Variants in ST3GAL3 observed in about 807,000 individuals in gnomAD.
ST3GAL3 encodes the protein CMP-N-acetylneuraminate-beta-1,4-galactoside alpha-2,3-sialyltransferase.
In ST3GAL3, 21 loss-of-function variants were observed where a neutral mutation model predicts 50.1. That is an observed-to-expected ratio of 0.42 (90% CI 0.30 to 0.60). The LOEUF (loss-of-function observed/expected upper bound fraction) is 0.60. Ranked by LOEUF, ST3GAL3 falls within the 20% of genes least tolerant of loss-of-function variation. ST3GAL3 has a pLI of 0.19. For synonymous variants in ST3GAL3, 183 were observed against 190.0 expected, an observed-to-expected ratio of 0.96 and a Z score of 0.30; for missense variants, 353 against 489.4, an observed-to-expected ratio of 0.72 and a Z score of 2.63.
intron 5 of ST3GAL3, among the ~76,000 whole-genome samples, chr1:43,887,925 C>T (rs937512348): frequency 6.6e-6 from 1 of 152,004 alleles, no homozygotes; most frequent in African/African-American, 2.4e-5. Flanking sequence ...CTCCCCATCA[C>T]CATGAAAGCA....
chr1:43,831,843 T>G (rs1573857026), intron 4 of ST3GAL3: 1 of 152,210 alleles, frequency 6.6e-6, no homozygotes, highest in South Asian at 2.1e-4. Context: ...CATTTTATAG[T>G]GTAAACAGAA....
chr1:43,805,798 C>T (rs1211354586), intron 3 of ST3GAL3, among the ~76,000 whole-genome samples: 10 of 152,062 alleles, frequency 6.6e-5, no homozygotes, highest in African/African-American at 9.7e-5. Flanking sequence ...TGCAGTGGTG[C>T]GATCTCGGCT....
intron 4 of ST3GAL3, among the ~76,000 whole-genome samples, chr1:43,835,703 A>G (rs144869821): frequency 7.8e-4 from 119 of 152,226 alleles, no homozygotes; most frequent in African/African-American, 2.6e-3. Flanking sequence ...TCTGTTGTTC[A>G]TTTATTTCTG....
In ST3GAL3 at chr1:43,736,248, G is replaced by A. The variant is rs776919689; in HGVS notation, c.-15G>A. ...TCTTTTCTAGGTCATTTAGGAAATC[G>A]TAAATCATGTGAAGATGGGACTCTT... On this transcript the variant is annotated 5_prime_UTR_variant, in exon 2 of 12. Transcript: ENST00000347631. 24 of 1,613,958 alleles carry A rather than the reference G, an allele frequency of 1.5e-5. No individual in the cohort carries two copies. The highest frequency in any genetic ancestry group is 3.3e-5 in the Admixed American group (2 of 59,990).
intron 5 of ST3GAL3, among the ~76,000 whole-genome samples, chr1:43,888,876 C>T (rs969403103): frequency 6.6e-6 from 1 of 152,076 alleles, no homozygotes; most frequent in Admixed American, 6.5e-5. Flanking sequence ...CAGTATAGAG[C>T]AAAATCAGAG....
chr1:43,894,934 G>A (rs1244188157), intron 6 of ST3GAL3, among the ~76,000 whole-genome samples: 2 of 152,064 alleles, frequency 1.3e-5, no homozygotes, highest in African/African-American at 4.8e-5. Context: ...TTCTTTAATG[G>A]AATATTTACA....
At chr1:43,791,693 A>G (rs1284589435) in intron 2 of ST3GAL3, among the ~76,000 whole-genome samples, 1 of 152,252 alleles carries the variant, frequency 6.6e-6, no homozygotes, top group African/African-American at 2.4e-5. Flanking sequence ...AACAATGAAC[A>G]ATTGAGTATA....
chr1:43,806,500 A>G (rs1193025734), intron 3 of ST3GAL3, among the ~76,000 whole-genome samples: 3 of 152,150 alleles, frequency 2.0e-5, no homozygotes, highest in Non-Finnish European at 4.4e-5. Flanking sequence ...GTGGTCACCA[A>G]AAATTTCCTT....
chr1:43,898,580 G>C (rs979777368), intron 7 of ST3GAL3: 5 of 523,488 alleles, frequency 9.6e-6, no homozygotes, highest in African/African-American at 7.7e-5. Context: ...CCCAGCAATG[G>C]GACTGAGGGC....
intron 1 of ST3GAL3, among the ~76,000 whole-genome samples, chr1:43,734,936 A>G (rs1677736510): frequency 6.6e-6 from 1 of 152,072 alleles, no homozygotes; most frequent in East Asian, 1.9e-4. Context: ...TGTACCTGCT[A>G]TGCATCCTTT....
chr1:43,917,614 ATATT>A (rs1193399173), intron 9 of ST3GAL3, among the ~76,000 whole-genome samples: 1 of 74,952 alleles, frequency 1.3e-5, no homozygotes, highest in Non-Finnish European at 2.4e-5. Flanking sequence ...TATATATTAT[ATATT>A]ATATTATATA....
intron 1 of ST3GAL3, chr1:43,718,878 A>C (rs1485767376): frequency 6.6e-6 from 1 of 151,548 alleles, no homozygotes; most frequent in Non-Finnish European, 1.5e-5. Context: ...AGTAGAGACA[A>C]GGTTTCACCA....
intron 5 of ST3GAL3, among the ~76,000 whole-genome samples, chr1:43,889,131 A>T (rs1051959428): frequency 5.9e-5 from 9 of 152,056 alleles, no homozygotes; most frequent in African/African-American, 2.2e-4. Context: ...ATTGTTTAGT[A>T]AAAAAAGAAA....
intron 2 of ST3GAL3, among the ~76,000 whole-genome samples, chr1:43,745,337 AAAG>A (rs1486624415): frequency 6.6e-6 from 1 of 152,240 alleles, no homozygotes; most frequent in Admixed American, 6.5e-5. Flanking sequence ...ATTTGTGAAA[AAAG>A]AAGTAAGTGG....
chr1:43,733,353 T>C (rs1676777065), intron 1 of ST3GAL3, among the ~76,000 whole-genome samples: 1 of 152,248 alleles, frequency 6.6e-6, no homozygotes, highest in South Asian at 2.1e-4. Context: ...TCTCACCTGC[T>C]TCTCATCATC....
At chr1:43,855,503 G>A (rs546765671) in intron 5 of ST3GAL3, among the ~76,000 whole-genome samples, 5 of 151,988 alleles carry the variant, frequency 3.3e-5, no homozygotes, top group East Asian at 1.9e-4. Flanking sequence ...CCAACTACTC[G>A]GGAGGCTGAG....
chr1:43,881,011 C>CT (rs952427891), intron 5 of ST3GAL3, among the ~76,000 whole-genome samples: 42 of 145,506 alleles, frequency 2.9e-4, no homozygotes, highest in East Asian at 4.0e-4. Context: ...ACTCTGAGTT[C>CT]TTTTTTTTTT....
chr1:43,728,320 CAA>C (rs986203131), intron 1 of ST3GAL3, among the ~76,000 whole-genome samples: 2 of 148,744 alleles, frequency 1.3e-5, no homozygotes, highest in African/African-American at 5.0e-5. Flanking sequence ...GCCTGGGCAA[CAA>C]GAGCGAAACT....
intron 3 of ST3GAL3, among the ~76,000 whole-genome samples, chr1:43,803,913 T>A (rs2059596457): frequency 6.6e-6 from 1 of 152,234 alleles, no homozygotes; most frequent in Non-Finnish European, 1.5e-5. Flanking sequence ...GTGATTTTTG[T>A]AATCCTGGGC....
Sources: gnomAD v4.1 joint callset for allele counts (sites outside exome capture counted in the v4.1 genomes callset) on GRCh38, gnomAD v4.1.1 for gene constraint, MANE v1.5 for transcripts, NCBI Gene and HGNC (gene_info 2026-07-23, HGNC 2026-07-21) for gene names.